The following KRTAP4-7 variants were observed in gnomAD, a reference collection of about 807,000 sequenced individuals.
KRTAP4-7 encodes keratin associated protein 4-7, also known as putative keratin-associated protein 4-X.
In KRTAP4-7, 1 loss-of-function variant was observed where a neutral mutation model predicts 3.0. The observed-to-expected ratio is 0.33, with a 90% confidence interval of 0.12 to 1.57. The LOEUF (loss-of-function observed/expected upper bound fraction) is 1.57. KRTAP4-7 is among the 40% of genes most tolerant of loss of function. The probability of loss-of-function intolerance (pLI) is 0.37; values close to 1 mark genes in which losing one functional copy is unlikely to be tolerated. For synonymous variants in KRTAP4-7, 70 were observed against 74.6 expected (o/e 0.94, Z 0.32); for missense variants, 199 against 209.1 (o/e 0.95, Z 0.30).
chr17:41,084,256 A>G (rs2013596399), exon 1 of KRTAP4-7: 2 of 1,613,328 alleles, frequency 1.2e-6, no homozygotes, highest in Middle Eastern at 1.6e-4. Context: ...GGCTGCAGCC[A>G]AGACCTCTGT....
exon 1 of KRTAP4-7, chr17:41,084,785 T>G (rs2013620812): frequency 1.4e-6 from 2 of 1,436,152 alleles, no homozygotes; most frequent in Middle Eastern, 3.6e-4. Flanking sequence ...TTCAATAGGA[T>G]GGACCTTATG....
chr17:41,084,233 G>A, exon 1 of KRTAP4-7: 2 of 1,611,636 alleles, frequency 1.2e-6, no homozygotes, highest in Middle Eastern at 1.7e-4. Flanking sequence ...GTGGCTCCGT[G>A]TGCTCTGACC....
exon 1 of KRTAP4-7, chr17:41,084,763 G>A (rs2013620093): frequency 6.1e-6 from 9 of 1,477,666 alleles, no homozygotes; most frequent in African/African-American, 1.4e-5. Context: ...ACATGAAGTG[G>A]GGTTGATGTC....
In KRTAP4-7 at chr17:41,084,538, G is replaced by C; in HGVS notation, c.332G>C (p.Arg111Pro). The stretch of plus-strand genomic sequence containing the variant: ...GTGTGCTGCCAGCCCACCTGCTGCC[G>C]CCCCAGCTGCTGCCGCCCCTGCTGC... Residue 111 changes from arginine (R) to proline (P), a missense_variant, in exon 1 of 1, where the codon CGC becomes CCC. By Grantham distance (103) the Arg-to-Pro change is moderately radical. Transcript: ENST00000391417. 6.7e-5 allele frequency: 67 copies of C among 998,610 alleles called. 5 individuals are homozygous for C. The highest frequency in any genetic ancestry group is 1.3e-4 in the Admixed American group (5 of 38,772). 61.9% of individuals were successfully genotyped at this position (998,610 alleles called of 1,614,324 possible).
chr17:41,084,474 T>C, exon 1 of KRTAP4-7: 2 of 1,517,058 alleles, frequency 1.3e-6, no homozygotes, highest in East Asian at 2.3e-5. Context: ...CCCCAGCTGC[T>C]GTATGTCCAG....
exon 1 of KRTAP4-7, chr17:41,084,711 G>A (rs921693687): frequency 6.5e-7 from 1 of 1,550,142 alleles, no homozygotes; most frequent in Non-Finnish European, 8.7e-7. Flanking sequence ...TTCACCACTG[G>A]CCCACAGATG....
chr17:41,084,780 T>A, exon 1 of KRTAP4-7: 2 of 1,453,962 alleles, frequency 1.4e-6, no homozygotes, highest in East Asian at 2.5e-5. Context: ...TGTCATTCAA[T>A]AGGATGGACC....
In KRTAP4-7 at chr17:41,084,559, G is replaced by A. The variant is rs561259174; in HGVS notation, c.353G>A (p.Cys118Tyr). ...TGCCGCCCCAGCTGCTGCCGCCCCT[G>A]CTGCTGCCTGCGTCCAGTCTGTGGC... The change falls in exon 1 of 1, where the codon TGC (cysteine) becomes TAC (tyrosine). Residue 118 changes from cysteine (C) to tyrosine (Y), a missense_variant. Physicochemically the swap from Cys to Tyr is radical, Grantham distance 194 (BLOSUM62 -2). Coordinates refer to ENST00000391417, the Ensembl canonical transcript of KRTAP4-7. 29 of 1,571,572 alleles carry A rather than the reference G, an allele frequency of 1.8e-5. 3 individuals are homozygous for A. In the East Asian group the frequency reaches 5.7e-4, roughly 31 times the overall value.
At chr17:41,084,731 C>T in exon 1 of KRTAP4-7, 1 of 1,529,108 alleles carries the variant, frequency 6.5e-7, no homozygotes, top group South Asian at 1.3e-5. Flanking sequence ...GTAGACCCTT[C>T]TACTGTGCTG....
At chr17:41,084,439 G>A in exon 1 of KRTAP4-7, 1 of 1,408,904 alleles carries the variant, frequency 7.1e-7, no homozygotes. Flanking sequence ...TGCCACCCTA[G>A]GTGCTGCATC....
exon 1 of KRTAP4-7, chr17:41,084,841 C>G: frequency 8.6e-7 from 1 of 1,157,566 alleles, no homozygotes; most frequent in Non-Finnish European, 1.2e-6. Context: ...TGAGAACATT[C>G]TGGTTCATTT....
exon 1 of KRTAP4-7, chr17:41,084,258 G>C (rs533663796): frequency 6.2e-7 from 1 of 1,613,694 alleles, no homozygotes; most frequent in East Asian, 2.2e-5. Flanking sequence ...CTGCAGCCAA[G>C]ACCTCTGTCA....
exon 1 of KRTAP4-7, chr17:41,084,806 GC>G: frequency 7.4e-7 from 1 of 1,346,286 alleles, no homozygotes; most frequent in Non-Finnish European, 1.0e-6. Context: ...CTTCCAAAGA[GC>G]CCACCACCAT....
exon 1 of KRTAP4-7, chr17:41,084,911 G>C: frequency 1.6e-6 from 1 of 642,268 alleles, no homozygotes; most frequent in Non-Finnish European, 2.7e-6. Flanking sequence ...GAATTAATTT[G>C]TAATACACTA....
exon 1 of KRTAP4-7, chr17:41,084,641 C>T: frequency 1.9e-6 from 3 of 1,600,230 alleles, no homozygotes; most frequent in Non-Finnish European, 2.6e-6. Flanking sequence ...CCACCTGTCC[C>T]CGCCCCTTGT....
At chr17:41,084,453 A>C (rs1322829782) in exon 1 of KRTAP4-7, 9 of 1,510,208 alleles carry the variant, frequency 6.0e-6, no homozygotes, top group East Asian at 2.3e-5. Flanking sequence ...CTGCATCTCC[A>C]GCTGCTGCCG....
At chr17:41,084,277 G>C in exon 1 of KRTAP4-7, 1 of 1,613,902 alleles carries the variant, frequency 6.2e-7, no homozygotes, top group Non-Finnish European at 8.5e-7. Flanking sequence ...CAGGAGACCT[G>C]CTGCCGCCCC....
rs2013622007 is a variant in KRTAP4-7 at position 41,084,830 on chromosome 17, G to GT, written c.*157dup. 15 of 1,209,578 alleles carry GT rather than the reference G, an allele frequency of 1.2e-5. 1 individual carries two copies. The South Asian group carries it at 1.6e-4, about 13-fold the overall frequency. 74.9% of individuals were successfully genotyped at this position (1,209,578 alleles called of 1,614,324 possible). A position where few individuals can be genotyped will look rare whatever the true frequency, so the allele number is the denominator to read the frequency against. ...AGCCCACCACCATTTCACTGACTCT[G>GT]TGAGAACATTCTGGTTCATTTTAAA... is the stretch of plus-strand genomic sequence containing the variant. On this transcript the variant is annotated 3_prime_UTR_variant, in exon 1 of 1. Transcript: ENST00000391417.
At chr17:41,084,917 C>T (rs1293715205) in exon 1 of KRTAP4-7, 2 of 634,270 alleles carry the variant, frequency 3.2e-6, no homozygotes, top group African/African-American at 3.7e-5. Flanking sequence ...ATTTGTAATA[C>T]ACTAGCTAAG....
Sources: gnomAD v4.1 joint callset for allele counts on GRCh38, gnomAD v4.1.1 for gene constraint, MANE v1.5 for transcripts, NCBI Gene and HGNC (gene_info 2026-07-23, HGNC 2026-07-21) for gene names.